The following HS6ST3 variants were observed in gnomAD, a reference collection of about 807,000 sequenced individuals.
HS6ST3 encodes the protein heparan-sulfate 6-O-sulfotransferase 3.
HS6ST3 carries 12 observed loss-of-function variants against 36.7 expected under a neutral mutation model. The observed-to-expected ratio is 0.33, with a 90% CI of 0.21 to 0.53. The LOEUF (loss-of-function observed/expected upper bound fraction) is 0.53, where lower values mean the gene tolerates loss of function less well. Ranked by LOEUF, HS6ST3 falls within the 20% of genes least tolerant of loss-of-function variation. The pLI is 0.95. For synonymous variants in HS6ST3, 240 were observed against 257.5 expected (o/e 0.93, Z 0.65); for missense variants, 584 against 640.9 (o/e 0.91, Z 0.96).
In HS6ST3 at chr13:96,351,335, T is replaced by TTTTTTTTTTTTTTTTTTTAAAA. The variant is rs1203595829; in HGVS notation, c.707+259766_707+259767insTTTTTTTTTTTTTTTTTTAAAA. 4.3e-4 allele frequency among the ~76,000 whole-genome samples: 63 copies of TTTTTTTTTTTTTTTTTTTAAAA among 146,384 alleles called. 1 individual carries two copies. Among genetic ancestry groups the TTTTTTTTTTTTTTTTTTTAAAA allele is most frequent in the African/African-American group, 1.6e-3 (62 of 38,592 alleles). On this transcript the variant is annotated intron_variant, in intron 1 of 1. Coordinates refer to ENST00000376705, the MANE Select transcript of HS6ST3 (RefSeq NM_153456.4). ...AGGTGGCAGTCTTTTTTTTTTTTTT[T>TTTTTTTTTTTTTTTTTTTAAAA]AAAAAAAACAAGGTCTTGCTGGGTT... is the stretch of plus-strand genomic sequence containing the variant.
At chr13:96,486,969 T>C (rs1231287895) in intron 1 of HS6ST3, among the ~76,000 whole-genome samples, 3 of 152,110 alleles carry the variant, frequency 2.0e-5, no homozygotes, top group African/African-American at 7.2e-5. Context: ...TATAAAGGGA[T>C]AGGCTGACTG....
At chr13:96,812,821 C>T (rs61968191) in intron 1 of HS6ST3, among the ~76,000 whole-genome samples, 5,014 of 152,178 alleles carry the variant, frequency 0.033, 98 homozygotes, top group African/African-American at 0.043. Flanking sequence ...GGTGTTGGGC[C>T]TATCTTTGGT....
chr13:96,378,774 C>T (rs2055326650), intron 1 of HS6ST3, among the ~76,000 whole-genome samples: 2 of 152,246 alleles, frequency 1.3e-5, no homozygotes, highest in South Asian at 2.1e-4. Flanking sequence ...CCCAGCTGTG[C>T]TCACAGGCAT....
chr13:96,404,585 T>C (rs1317867987), intron 1 of HS6ST3, among the ~76,000 whole-genome samples: 1 of 152,050 alleles, frequency 6.6e-6, no homozygotes, highest in East Asian at 1.9e-4. Flanking sequence ...TGTAGAGCGA[T>C]ATAGGAAGGA....
chr13:96,203,210 AATTT>A (rs1430454200), intron 1 of HS6ST3, among the ~76,000 whole-genome samples: 3 of 152,180 alleles, frequency 2.0e-5, no homozygotes, highest in Non-Finnish European at 2.9e-5. Flanking sequence ...AAGCAGCAGG[AATTT>A]ATTTCTGACA....
chr13:96,720,162 T>G (rs527300677), intron 1 of HS6ST3, among the ~76,000 whole-genome samples: 1 of 152,244 alleles, frequency 6.6e-6, no homozygotes, highest in African/African-American at 2.4e-5. Flanking sequence ...GCCTGCAATG[T>G]ATATAGGCTC....
chr13:96,505,102 A>T (rs1160713383), intron 1 of HS6ST3, among the ~76,000 whole-genome samples: 2 of 152,184 alleles, frequency 1.3e-5, no homozygotes, highest in African/African-American at 4.8e-5. Context: ...AGAATTTTCT[A>T]AATGATCTCC....
chr13:96,153,880 A>G (rs1290752168), intron 1 of HS6ST3, among the ~76,000 whole-genome samples: 2 of 152,208 alleles, frequency 1.3e-5, no homozygotes, highest in African/African-American at 2.4e-5. Flanking sequence ...GTATTAGTAT[A>G]CAGTGCATTA....
At chr13:96,526,501 A>G (rs1025700787) in intron 1 of HS6ST3, among the ~76,000 whole-genome samples, 1 of 152,204 alleles carries the variant, frequency 6.6e-6, no homozygotes, top group Non-Finnish European at 1.5e-5. Context: ...TCTCCAAATT[A>G]GGAGGTATCA....
intron 1 of HS6ST3, among the ~76,000 whole-genome samples, chr13:96,376,268 G>T (rs1280423846): frequency 6.6e-6 from 1 of 152,146 alleles, no homozygotes; most frequent in Non-Finnish European, 1.5e-5. Context: ...TAGCATTTGG[G>T]CTTTTCATGA....
chr13:96,139,606 T>C (rs969965281), intron 1 of HS6ST3, among the ~76,000 whole-genome samples: 6 of 146,954 alleles, frequency 4.1e-5, no homozygotes, highest in Non-Finnish European at 6.0e-5. Context: ...ATAAGGAAAT[T>C]ATAATTCTTA....
intron 1 of HS6ST3, among the ~76,000 whole-genome samples, chr13:96,587,660 C>G (rs987522582): frequency 3.3e-5 from 5 of 152,166 alleles, no homozygotes; most frequent in Admixed American, 3.3e-4. Context: ...GATAATTTAT[C>G]TAGTCTTGCA....
intron 1 of HS6ST3, among the ~76,000 whole-genome samples, chr13:96,381,410 G>GTATCTATGTATCTATGTATCTATC (rs141594405): frequency 2.0e-4 from 28 of 138,682 alleles, no homozygotes; most frequent in African/African-American, 3.3e-4. Flanking sequence ...ATGTATCTAT[G>GTATCTATGTATCTATGTATCTATC]TATCTATCTA....
chr13:96,747,332 C>A (rs913706078), intron 1 of HS6ST3, among the ~76,000 whole-genome samples: 1 of 151,958 alleles, frequency 6.6e-6, no homozygotes, highest in Non-Finnish European at 1.5e-5. Context: ...TAGCTTTTGG[C>A]GGGATTGGAA....
intron 1 of HS6ST3, among the ~76,000 whole-genome samples, chr13:96,727,289 A>G (rs1380486865): frequency 6.6e-6 from 1 of 152,186 alleles, no homozygotes; most frequent in Admixed American, 6.5e-5. Flanking sequence ...ATAAAGTTTC[A>G]TAGACATGAA....
intron 1 of HS6ST3, among the ~76,000 whole-genome samples, chr13:96,677,273 A>T (rs2056701808): frequency 6.6e-6 from 1 of 152,154 alleles, no homozygotes; most frequent in Non-Finnish European, 1.5e-5. Flanking sequence ...AATAAAATGT[A>T]AGATAAAAAT....
intron 1 of HS6ST3, among the ~76,000 whole-genome samples, chr13:96,599,377 T>C (rs1400207474): frequency 1.3e-5 from 2 of 152,082 alleles, no homozygotes; most frequent in Non-Finnish European, 2.9e-5. Flanking sequence ...GAAGATCGCA[T>C]GTTCCCAGGA....
chr13:96,576,989 T>C (rs2056324549), intron 1 of HS6ST3, among the ~76,000 whole-genome samples: 1 of 151,186 alleles, frequency 6.6e-6, no homozygotes, highest in South Asian at 2.1e-4. Flanking sequence ...TCTATTTATC[T>C]TTCCCAATGT....
Position 96,226,679 on chromosome 13 carries a change from C to T in HS6ST3, c.707+135110C>T, listed in dbSNP as rs1328679916. On this transcript the variant is annotated intron_variant, in intron 1 of 1. Transcript: ENST00000376705. ...TCTGTGTTTCAATTTCTGTCTTATA[C>T]ATAGTGAATATTTTTCTGTTTAAGT... 2.0e-5 allele frequency among the ~76,000 whole-genome samples: 3 copies of T among 152,078 alleles called. No homozygotes were observed. The East Asian group carries it at 5.8e-4, about 29-fold the overall frequency.
Sources: allele counts gnomAD v4.1 joint callset (sites outside exome capture counted in the v4.1 genomes callset), GRCh38; gene constraint gnomAD v4.1.1; transcripts MANE v1.5; gene names NCBI Gene and HGNC (gene_info 2026-07-23, HGNC 2026-07-21).